PRELP: variants seen among roughly 807,000 people sequenced by gnomAD.
PRELP encodes proline and arginine rich end leucine rich repeat protein, also known as prolargin.
In PRELP, 16 loss-of-function variants were observed where a neutral mutation model predicts 22.8. The ratio of observed to expected loss-of-function variants is 0.70; its 90% CI spans 0.47 to 1.06. PRELP has a LOEUF of 1.06. Among genes scored for constraint, PRELP ranks in the 50% least tolerant of loss-of-function variants. PRELP has a pLI of 0.00. For missense variants in PRELP, 434 were observed against 485.2 expected (o/e 0.89, Z 0.99); for synonymous variants, 233 against 211.4 (o/e 1.10, Z -0.89).
chr1:203,480,446 A>G (rs1185879396), intron 1 of PRELP, among the ~76,000 whole-genome samples: 1 of 152,222 alleles, frequency 6.6e-6, no homozygotes, highest in African/African-American at 2.4e-5. Flanking sequence ...AGGAGGGACT[A>G]TGACTACCCA....
chr1:203,481,083 G>T (rs1423729632), intron 1 of PRELP, among the ~76,000 whole-genome samples: 1 of 149,288 alleles, frequency 6.7e-6, no homozygotes, highest in Non-Finnish European at 1.5e-5. Flanking sequence ...GGGCAAATTG[G>T]TGCCCAGTCC....
At chr1:203,486,638 C>G in intron 2 of PRELP, 68 bp from the exon 3 acceptor site, 4 of 1,450,332 alleles carry the variant, frequency 2.8e-6, no homozygotes, top group African/African-American at 1.4e-5. Context: ...GTGTCTTCCC[C>G]CTTCCCCTTC....
intron 1 of PRELP, among the ~76,000 whole-genome samples, chr1:203,482,818 C>T (rs570718137): frequency 4.5e-4 from 68 of 151,408 alleles, no homozygotes; most frequent in Admixed American, 9.9e-4. Context: ...AGGATGGTCT[C>T]GATCTCCTGA....
In PRELP at chr1:203,483,803, C is replaced by G; in HGVS notation, c.619C>G (p.Leu207Val). ...LLLLDLQHNRLSDGVFKPDTF... is the reference protein window; with the variant it reads ...LLLLDLQHNRVSDGVFKPDTF... Reference sequence around the variant, plus strand: ...GCTCCTGGATCTCCAGCACAACAGGCTGAGCGACGGCGTCTTCAAGCCCGA... The same window carrying G: ...GCTCCTGGATCTCCAGCACAACAGGGTGAGCGACGGCGTCTTCAAGCCCGA... Residue 207 changes from leucine (L) to valine (V), a missense_variant, in exon 2 of 3, where the codon CTG (leucine) becomes GTG (valine). By Grantham distance (32) the Leu-to-Val change is conservative. Coordinates refer to ENST00000343110, the MANE Select transcript of PRELP (RefSeq NM_002725.4). The surrounding 1 kb of genome is among the most constrained non-coding windows in gnomAD (Gnocchi z 4.4). 2 of 1,614,206 alleles carry G rather than the reference C, an allele frequency of 1.2e-6. No homozygotes were observed. Among genetic ancestry groups the G allele is most frequent in the Non-Finnish European group, 1.7e-6 (2 of 1,180,024 alleles).
At chr1:203,480,687 C>T (rs998573641) in intron 1 of PRELP, among the ~76,000 whole-genome samples, 2 of 152,210 alleles carry the variant, frequency 1.3e-5, no homozygotes, top group Non-Finnish European at 2.9e-5. Context: ...TCTGATTCAG[C>T]CCTGGGGCTG....
chr1:203,481,475 A>G (rs1022844529), intron 1 of PRELP, among the ~76,000 whole-genome samples: 15 of 152,218 alleles, frequency 9.9e-5, no homozygotes, highest in Non-Finnish European at 1.6e-4. Context: ...TAACCCTTGC[A>G]ATGTATCTCT....
rs1022170095 is a variant in PRELP at position 203,487,991 on chromosome 1, C to T, written c.*1110C>T. ...TCCCAGTCTTGCGCCTGGCCCTCTT[C>T]CTGGGGTGATTTTCCTCGGTGGAGG... On this transcript the variant is annotated 3_prime_UTR_variant, in exon 3 of 3. Transcript: ENST00000343110. 1.3e-5 allele frequency: 2 copies of T among 152,338 alleles called. No individual in the cohort carries two copies. The highest frequency in any genetic ancestry group is 2.9e-5 in the Non-Finnish European group (2 of 68,140). The allele number at this position is 152,338 out of a possible 1,614,324, so 9.4% of individuals were successfully genotyped here.
In PRELP at chr1:203,483,090, C is replaced by A; in HGVS notation, c.-16-79C>A. ...CATCTTCCCTAGAGCTCTAGTTCTG[C>A]CCAACTCTGGCTTCAAAAACATGAC... On this transcript the variant is annotated intron_variant, in intron 1 of 2. Coordinates refer to ENST00000343110, the MANE Select transcript of PRELP (RefSeq NM_002725.4). The surrounding 1 kb of genome is among the most constrained non-coding windows in gnomAD (Gnocchi z 4.4). 8.2e-7 allele frequency: 1 copy of A among 1,217,188 alleles called. No homozygotes were observed. The highest frequency in any genetic ancestry group is 1.2e-6 in the Non-Finnish European group (1 of 864,982). The allele number at this position is 1,217,188 out of a possible 1,614,324, so 75.4% of individuals were successfully genotyped here.
In PRELP at chr1:203,489,128, G is replaced by A. The variant is rs554363068; in HGVS notation, c.*2247G>A. On this transcript the variant is annotated 3_prime_UTR_variant, in exon 3 of 3. Coordinates refer to ENST00000343110, the MANE Select transcript of PRELP (RefSeq NM_002725.4). ...TTAAAGTCCACACGTTATTATGGCC[G>A]AAAGCAACCTGGTGCTTCGGCCTGG... 2.8e-4 allele frequency: 43 copies of A among 152,702 alleles called. No individual in the cohort carries two copies. The highest frequency in any genetic ancestry group is 9.6e-4 in the African/African-American group (40 of 41,550). 9.5% of individuals were successfully genotyped at this position (152,702 alleles called of 1,614,324 possible). A position where few individuals can be genotyped will look rare whatever the true frequency, so the allele number is the denominator to read the frequency against.
At chr1:203,478,036 A>G (rs1317624902) in intron 1 of PRELP, among the ~76,000 whole-genome samples, 1 of 152,202 alleles carries the variant, frequency 6.6e-6, no homozygotes, top group African/African-American at 2.4e-5. Flanking sequence ...GCTGCCCTCT[A>G]GCCAGGCTGG....
At chr1:203,481,411 G>T (rs897147200) in intron 1 of PRELP, among the ~76,000 whole-genome samples, 1 of 152,168 alleles carries the variant, frequency 6.6e-6, no homozygotes, top group South Asian at 2.1e-4. Flanking sequence ...AGTGAAGTGG[G>T]GTTCAGCCAA....
chr1:203,489,469 C>G lies in PRELP; in HGVS notation c.*2588C>G, dbSNP rs1661154199. ...AAGTTCATTCCCTCCATGCTGTCGTCATCGACATATACAGGTGTGTACGTA... is the reference window on the plus strand; with the variant it reads ...AAGTTCATTCCCTCCATGCTGTCGTGATCGACATATACAGGTGTGTACGTA... On this transcript the variant is annotated 3_prime_UTR_variant, in exon 3 of 3. Coordinates refer to ENST00000343110, the MANE Select transcript of PRELP (RefSeq NM_002725.4). 6.6e-6 allele frequency: 1 copy of G among 152,264 alleles called. No homozygotes were observed. Among genetic ancestry groups the G allele is most frequent in the Non-Finnish European group, 1.5e-5 (1 of 68,040 alleles). The allele number at this position is 152,264 out of a possible 1,614,324, so 9.4% of individuals were successfully genotyped here. A position where few individuals can be genotyped will look rare whatever the true frequency, so the allele number is the denominator to read the frequency against.
At chr1:203,486,298 T>C (rs1173641968) in intron 2 of PRELP, among the ~76,000 whole-genome samples, 2 of 111,310 alleles carry the variant, frequency 1.8e-5, no homozygotes, top group African/African-American at 4.2e-5. Flanking sequence ...CTTACTCTCC[T>C]TAGTACATCA....
chr1:203,487,120 TCTGTGGTTTCC>T lies in PRELP; in HGVS notation c.*242_*252del, dbSNP rs1440384191. ...CAGTGCACACCCAAACTCCTGGCCTTCTGTGGTTTCCCTTTGCTCCAGAAACACAGATGTGT... is the reference window on the plus strand; with the variant it reads ...CAGTGCACACCCAAACTCCTGGCCTTCTTTGCTCCAGAAACACAGATGTGT... On this transcript the variant is annotated 3_prime_UTR_variant, in exon 3 of 3. Transcript: ENST00000343110. The T allele has an allele frequency of 4.5e-5, 21 of 468,502 alleles. 1 individual carries two copies. Among genetic ancestry groups the T allele is most frequent in the South Asian group, 3.7e-4 (10 of 27,380 alleles). The allele number at this position is 468,502 out of a possible 1,614,324, so 29.0% of individuals were successfully genotyped here. A position where few individuals can be genotyped will look rare whatever the true frequency, so the allele number is the denominator to read the frequency against.
At chr1:203,479,474 G>A (rs1453686762) in intron 1 of PRELP, among the ~76,000 whole-genome samples, 1 of 152,080 alleles carries the variant, frequency 6.6e-6, no homozygotes, top group Non-Finnish European at 1.5e-5. Flanking sequence ...AGACTGAGGA[G>A]GACAGATCAC....
At chr1:203,485,481 C>G (rs1661077354) in intron 2 of PRELP, among the ~76,000 whole-genome samples, 1 of 152,176 alleles carries the variant, frequency 6.6e-6, no homozygotes, top group Non-Finnish European at 1.5e-5. Context: ...TGATTACGTT[C>G]TTCACAATGA....
chr1:203,484,300 T>C, intron 2 of PRELP, 143 bp downstream of exon 2: 1 of 1,311,604 alleles, frequency 7.6e-7, no homozygotes, highest in Non-Finnish European at 1.0e-6. Context: ...CCTTGCCACT[T>C]GCTATCTGGG....
rs778801109 is a variant in PRELP, at chr1:203,483,744, C to T, written c.560C>T (p.Pro187Leu). 16 of 1,614,102 alleles carry T rather than the reference C, an allele frequency of 9.9e-6. No homozygotes were observed. Among genetic ancestry groups the T allele is most frequent in the African/African-American group, 2.7e-5 (2 of 74,936 alleles). ...RLSQNHISRI[P>L]PGVFSKLENL... ...AGCCAGAACCACATCTCCAGAATCC[C>T]GCCTGGTGTCTTCAGCAAGCTGGAG... Residue 187 changes from proline (P) to leucine (L), a missense_variant, in exon 2 of 3, where the codon CCG becomes CTG. Coordinates refer to ENST00000343110, the MANE Select transcript of PRELP (RefSeq NM_002725.4). This position sits in a 1 kb window ranked among gnomAD's most constrained non-coding sequence, Gnocchi z 4.4.
At chr1:203,477,384 G>C (rs954742826) in intron 1 of PRELP, among the ~76,000 whole-genome samples, 2 of 152,148 alleles carry the variant, frequency 1.3e-5, no homozygotes, top group Admixed American at 1.3e-4. Flanking sequence ...TTTTTGGGGA[G>C]TGGGAGTAAA....
Sources: gnomAD v4.1 joint callset for allele counts (sites outside exome capture counted in the v4.1 genomes callset) on GRCh38, gnomAD v4.1.1 for gene constraint, Gnocchi (gnomAD v3.1) non-coding constraint, MANE v1.5 for transcripts, NCBI Gene and HGNC (gene_info 2026-07-23, HGNC 2026-07-21) for gene names.